Variants in CSNK1G3 observed in about 807,000 individuals in gnomAD.
The protein encoded by CSNK1G3 is casein kinase I isoform gamma-3.
In CSNK1G3, 23 loss-of-function variants were observed where a neutral mutation model predicts 64.3. The ratio of observed to expected loss-of-function variants is 0.36; its 90% CI spans 0.26 to 0.51. CSNK1G3 has a LOEUF of 0.51. CSNK1G3 is among the 20% of genes least tolerant of loss of function. The pLI, the probability that CSNK1G3 is intolerant of heterozygous loss-of-function variation, is 0.96. For synonymous variants in CSNK1G3, 158 were observed against 162.2 expected (o/e 0.97, Z 0.20); for missense variants, 357 against 510.5 (o/e 0.70, Z 2.90).
chr5:123,525,311 T>A (rs1370232915), intron 1 of CSNK1G3, among the ~76,000 whole-genome samples: 1 of 147,724 alleles, frequency 6.8e-6, no homozygotes, highest in Non-Finnish European at 1.5e-5. Context: ...ACCAGTTGTT[T>A]GCATTTTTTT....
At chr5:123,549,518 C>T (rs551816831) in intron 2 of CSNK1G3, among the ~76,000 whole-genome samples, 2 of 152,294 alleles carry the variant, frequency 1.3e-5, no homozygotes, top group South Asian at 4.1e-4. Flanking sequence ...GGGCCAGGTA[C>T]CTGGAAGCTA....
intron 8 of CSNK1G3, among the ~76,000 whole-genome samples, chr5:123,590,064 G>T (rs1007459641): frequency 5.3e-5 from 8 of 152,036 alleles, no homozygotes; most frequent in African/African-American, 1.9e-4. Flanking sequence ...AACTGAATAT[G>T]ATGCTTTGTG....
intron 1 of CSNK1G3, among the ~76,000 whole-genome samples, chr5:123,543,907 T>G (rs567654827): frequency 6.6e-6 from 1 of 152,200 alleles, no homozygotes; most frequent in East Asian, 1.9e-4. Context: ...ATAGATTGGG[T>G]GTTAGGACTA....
At chr5:123,570,808 A>G (rs1787942991) in intron 4 of CSNK1G3, among the ~76,000 whole-genome samples, 2 of 152,224 alleles carry the variant, frequency 1.3e-5, no homozygotes, top group Admixed American at 6.5e-5. Flanking sequence ...AATTGAGAGG[A>G]TGTAAATTAA....
At chr5:123,569,446 T>C (rs1787633755) in intron 4 of CSNK1G3, among the ~76,000 whole-genome samples, 1 of 152,222 alleles carries the variant, frequency 6.6e-6, no homozygotes, top group African/African-American at 2.4e-5. Context: ...TTAAAATCCA[T>C]TGTAGTTTGA....
intron 1 of CSNK1G3, among the ~76,000 whole-genome samples, chr5:123,522,904 T>G (rs1267825397): frequency 6.6e-6 from 1 of 152,130 alleles, no homozygotes; most frequent in Non-Finnish European, 1.5e-5. Context: ...CTTGGAAAGT[T>G]TGTTATGGGG....
chr5:123,517,021 C>CT (rs1453023043), intron 1 of CSNK1G3, among the ~76,000 whole-genome samples: 2 of 152,122 alleles, frequency 1.3e-5, no homozygotes, highest in Admixed American at 1.3e-4. Context: ...GTGCCAAGGA[C>CT]TATGTGATGC....
intron 1 of CSNK1G3, among the ~76,000 whole-genome samples, chr5:123,522,359 G>A (rs1032405933): frequency 6.8e-6 from 1 of 146,084 alleles, no homozygotes; most frequent in African/African-American, 2.8e-5. Context: ...AAAAATTAGC[G>A]GGGCGTGGTG....
At chr5:123,530,826 A>T (rs1049243706) in intron 1 of CSNK1G3, among the ~76,000 whole-genome samples, 1 of 152,178 alleles carries the variant, frequency 6.6e-6, no homozygotes, top group African/African-American at 2.4e-5. Flanking sequence ...AGAAATTGAT[A>T]TCCATTTTTG....
intron 1 of CSNK1G3, among the ~76,000 whole-genome samples, chr5:123,513,492 A>G (rs960547640): frequency 3.3e-5 from 5 of 152,198 alleles, no homozygotes; most frequent in Non-Finnish European, 7.3e-5. Context: ...ACTCTTTTGT[A>G]GTAAGCACCC....
chr5:123,540,987 A>T (rs995689953), intron 1 of CSNK1G3, among the ~76,000 whole-genome samples: 1 of 152,160 alleles, frequency 6.6e-6, no homozygotes, highest in Non-Finnish European at 1.5e-5. Context: ...GTGACTTGAG[A>T]TTTAAATTAT....
chr5:123,571,708 A>C (rs1415587469), intron 4 of CSNK1G3, among the ~76,000 whole-genome samples: 1 of 152,158 alleles, frequency 6.6e-6, no homozygotes, highest in Non-Finnish European at 1.5e-5. Flanking sequence ...ATATTTAAAA[A>C]ACGTTTTATT....
chr5:123,515,403 TAGTG>T (rs949557084), intron 1 of CSNK1G3, among the ~76,000 whole-genome samples: 13 of 152,218 alleles, frequency 8.5e-5, no homozygotes, highest in African/African-American at 2.7e-4. Flanking sequence ...TTATTGTTAA[TAGTG>T]AGATTTGCTG....
At chr5:123,525,855 G>T (rs1384557454) in intron 1 of CSNK1G3, among the ~76,000 whole-genome samples, 1 of 151,642 alleles carries the variant, frequency 6.6e-6, no homozygotes, top group African/African-American at 2.4e-5. Flanking sequence ...AAAATTAGTC[G>T]GGCGTGGTGG....
intron 1 of CSNK1G3, among the ~76,000 whole-genome samples, chr5:123,525,083 C>G (rs935319330): frequency 6.6e-6 from 1 of 152,110 alleles, no homozygotes; most frequent in Non-Finnish European, 1.5e-5. Flanking sequence ...TATTGTAGTT[C>G]GTATCATATT....
chr5:123,567,467 G>A (rs1022727316), intron 4 of CSNK1G3, among the ~76,000 whole-genome samples: 5 of 152,114 alleles, frequency 3.3e-5, no homozygotes, highest in African/African-American at 7.2e-5. Context: ...TTAGCTGGGC[G>A]TGGTGGCAGG....
intron 10 of CSNK1G3, among the ~76,000 whole-genome samples, chr5:123,602,527 GACAGGGTTGCTA>G (rs1794681622): frequency 6.6e-6 from 1 of 152,166 alleles, no homozygotes; most frequent in African/African-American, 2.4e-5. Context: ...TGTAGCCCAT[GACAGGGTTGCTA>G]ACCTTTTATT....
chr5:123,606,781 C>A (rs1037011434), intron 12 of CSNK1G3, among the ~76,000 whole-genome samples: 3 of 152,118 alleles, frequency 2.0e-5, no homozygotes, highest in African/African-American at 7.2e-5. Context: ...TTAATAAAAT[C>A]TATTACATTT....
At chr5:123,566,321 A>G (rs1786869566) in intron 4 of CSNK1G3, among the ~76,000 whole-genome samples, 1 of 152,228 alleles carries the variant, frequency 6.6e-6, no homozygotes, top group African/African-American at 2.4e-5. Context: ...TTGGGAAAAA[A>G]TAAACTTCTC....
Sources: gnomAD v4.1 joint callset for allele counts (sites outside exome capture counted in the v4.1 genomes callset) on GRCh38, gnomAD v4.1.1 for gene constraint, MANE v1.5 for transcripts, NCBI Gene and HGNC (gene_info 2026-07-23, HGNC 2026-07-21) for gene names.